Variants in PIP4K2A observed in about 807,000 individuals in gnomAD.
PIP4K2A encodes phosphatidylinositol 5-phosphate 4-kinase type-2 alpha.
A neutral mutation model predicts 42.9 loss-of-function variants in PIP4K2A; 14 were observed. That is an observed-to-expected ratio of 0.33 (90% CI 0.22 to 0.51). PIP4K2A has a LOEUF of 0.51. PIP4K2A is among the 20% of genes least tolerant of loss of function. PIP4K2A has a pLI of 0.97. For synonymous variants in PIP4K2A, 192 were observed against 192.2 expected (o/e 1.00, Z 0.01); for missense variants, 434 against 519.8 (o/e 0.83, Z 1.61).
At chr10:22,585,256 G>C (rs570041374) in intron 4 of PIP4K2A, among the ~76,000 whole-genome samples, 9 of 152,312 alleles carry the variant, frequency 5.9e-5, no homozygotes, top group Admixed American at 2.6e-4. Context: ...AGATTTCAAA[G>C]AAGTCACATG....
In PIP4K2A at chr10:22,538,467, T is replaced by C. The variant is rs754718743; in HGVS notation, c.1141-1186A>G. 1.7e-3 allele frequency among the ~76,000 whole-genome samples: 263 copies of C among 152,184 alleles called. 8 individuals are homozygous for C. The highest frequency in any genetic ancestry group is 5.4e-4 in the Non-Finnish European group (37 of 68,026). ...TTTGTCCAGACAACTCTTGTATCTC[T>C]GGCAAAACCCCATCAGCAAGGCAGT... On this transcript the variant is annotated intron_variant, in intron 9 of 9. Coordinates refer to ENST00000376573, the MANE Select transcript of PIP4K2A (RefSeq NM_005028.5).
chr10:22,660,331 T>A (rs534357423), intron 1 of PIP4K2A, among the ~76,000 whole-genome samples: 6 of 151,998 alleles, frequency 3.9e-5, no homozygotes, highest in African/African-American at 1.2e-4. Context: ...ATTAGCCGGG[T>A]GTGGAAGCGC....
chr10:22,584,900 A>G (rs1364095416), intron 4 of PIP4K2A, among the ~76,000 whole-genome samples: 1 of 152,230 alleles, frequency 6.6e-6, no homozygotes, highest in Admixed American at 6.5e-5. Context: ...GAGCAGATTC[A>G]GAACTGAGTG....
intron 1 of PIP4K2A, among the ~76,000 whole-genome samples, chr10:22,669,769 TACCA>T (rs1839414105): frequency 6.6e-6 from 1 of 152,212 alleles, no homozygotes; most frequent in Admixed American, 6.5e-5. Flanking sequence ...ATCACTTTTT[TACCA>T]ACCGTTTTTT....
At position 22,711,856 on chromosome 10, in the gene PIP4K2A, T is replaced by C. The variant is rs573755204; in HGVS notation, c.144+2327A>G. On this transcript the variant is annotated intron_variant, in intron 1 of 9. Transcript: ENST00000376573. ...ATCTAAGGGTTTTAGATTTCATGTTTATATTACACCTCCATTCTTTTTTCA... is the reference window on the plus strand; with the variant it reads ...ATCTAAGGGTTTTAGATTTCATGTTCATATTACACCTCCATTCTTTTTTCA... 7.2e-5 allele frequency among the ~76,000 whole-genome samples: 11 copies of C among 152,320 alleles called. No homozygotes were observed. The South Asian group carries it at 2.1e-3, about 29-fold the overall frequency.
intron 1 of PIP4K2A, among the ~76,000 whole-genome samples, chr10:22,701,169 C>G (rs1426317487): frequency 6.6e-6 from 1 of 152,100 alleles, no homozygotes; most frequent in Non-Finnish European, 1.5e-5. Context: ...GTGTACAATC[C>G]CAGTTGTGGC....
At chr10:22,656,684 C>T (rs995610288) in intron 1 of PIP4K2A, among the ~76,000 whole-genome samples, 2 of 151,632 alleles carry the variant, frequency 1.3e-5, no homozygotes, top group African/African-American at 4.8e-5. Flanking sequence ...GTAATCCCAG[C>T]TATTCAGGAG....
Position 22,542,065 on chromosome 10 carries a change from A to T in PIP4K2A, c.793-18T>A. 1 of 1,590,078 alleles carries T rather than the reference A, an allele frequency of 6.3e-7. No homozygotes were observed. Among genetic ancestry groups the T allele is most frequent in the Non-Finnish European group, 8.6e-7 (1 of 1,167,856 alleles). Reference sequence around the variant, plus strand: ...GCCAGAAACTGGGGACAGAGGCAACAGGGTGAGTCAGCCACACCTTAAACA... The same window carrying T: ...GCCAGAAACTGGGGACAGAGGCAACTGGGTGAGTCAGCCACACCTTAAACA... On this transcript the variant is annotated intron_variant, in intron 7 of 9. Transcript: ENST00000376573.
At chr10:22,567,630 G>A in intron 6 of PIP4K2A, 1 of 717,496 alleles carries the variant, frequency 1.4e-6, no homozygotes, top group Middle Eastern at 2.3e-4. Context: ...TTCCAACCAT[G>A]CTTGCAACAA....
chr10:22,606,723 G>A (rs1837915213), intron 3 of PIP4K2A, among the ~76,000 whole-genome samples: 1 of 152,164 alleles, frequency 6.6e-6, no homozygotes, highest in African/African-American at 2.4e-5. Context: ...ACCCAGGGTG[G>A]CAATATGTCA....
At chr10:22,680,986 CTA>C (rs1439167749) in intron 1 of PIP4K2A, among the ~76,000 whole-genome samples, 1 of 152,112 alleles carries the variant, frequency 6.6e-6, no homozygotes, top group Non-Finnish European at 1.5e-5. Flanking sequence ...ATCCCAGAGA[CTA>C]GGGTTTGGAA....
intron 1 of PIP4K2A, among the ~76,000 whole-genome samples, chr10:22,676,663 G>C (rs1839566643): frequency 6.6e-6 from 1 of 152,156 alleles, no homozygotes; most frequent in African/African-American, 2.4e-5. Flanking sequence ...TCCTGCTGAT[G>C]AATCAGAGAA....
intron 1 of PIP4K2A, among the ~76,000 whole-genome samples, chr10:22,686,584 C>T (rs149396093): frequency 1.3e-5 from 2 of 152,274 alleles, no homozygotes; most frequent in African/African-American, 4.8e-5. Flanking sequence ...TTAAGTTCCA[C>T]CTCAGCCTCC....
chr10:22,603,835 A>G (rs1423094161), intron 3 of PIP4K2A, among the ~76,000 whole-genome samples: 2 of 152,238 alleles, frequency 1.3e-5, no homozygotes, highest in African/African-American at 4.8e-5. Context: ...CCTTTAAAGT[A>G]TGACGATGGA....
At chr10:22,592,119 G>C (rs1159356642) in intron 3 of PIP4K2A, among the ~76,000 whole-genome samples, 1 of 152,134 alleles carries the variant, frequency 6.6e-6, no homozygotes, top group Non-Finnish European at 1.5e-5. Flanking sequence ...TTAGGTTCCA[G>C]TCATAAAAGA....
In PIP4K2A at chr10:22,539,918, AG is replaced by A; in HGVS notation, c.1140+52del. The A allele has an allele frequency of 1.2e-5, 11 of 909,318 alleles. No homozygotes were observed. In the South Asian group the frequency reaches 1.5e-4, roughly 12 times the overall value. 56.3% of individuals were successfully genotyped at this position (909,318 alleles called of 1,614,324 possible). ...GAGAGAGAGAGAGAGAGAGGGAGAG[AG>A]AGAGAGAGAGAGGGAGAGAAAGAGA... On this transcript the variant is annotated intron_variant, in intron 9 of 9. Coordinates refer to ENST00000376573, the MANE Select transcript of PIP4K2A (RefSeq NM_005028.5).
At chr10:22,693,618 G>C (rs1839916021) in intron 1 of PIP4K2A, among the ~76,000 whole-genome samples, 3 of 152,028 alleles carry the variant, frequency 2.0e-5, no homozygotes, top group Admixed American at 1.3e-4. Context: ...TTAGTTTTTA[G>C]AAAGTCAGAT....
intron 1 of PIP4K2A, among the ~76,000 whole-genome samples, chr10:22,651,086 G>A (rs1167082386): frequency 1.3e-5 from 2 of 152,160 alleles, no homozygotes; most frequent in African/African-American, 4.8e-5. Flanking sequence ...GGGCTAAAAA[G>A]GCACTCTTAC....
chr10:22,685,154 T>C (rs541058306), intron 1 of PIP4K2A, among the ~76,000 whole-genome samples: 17 of 152,250 alleles, frequency 1.1e-4, no homozygotes, highest in East Asian at 9.6e-4. Context: ...TTTAAAGTTA[T>C]GAGATAAGAA....
Sources: gnomAD v4.1 joint callset for allele counts (sites outside exome capture counted in the v4.1 genomes callset) on GRCh38, gnomAD v4.1.1 for gene constraint, MANE v1.5 for transcripts, NCBI Gene and HGNC (gene_info 2026-07-23, HGNC 2026-07-21) for gene names.